Variants in LRIG2 observed in about 807,000 individuals in gnomAD.
LRIG2 encodes leucine-rich repeats and immunoglobulin-like domains protein 2.
LRIG2 carries 93 observed loss-of-function variants against 107.8 expected under a neutral mutation model. The observed-to-expected ratio is 0.86, with a 90% CI of 0.73 to 1.03. LRIG2 has a LOEUF of 1.03. LRIG2 is among the 50% of genes least tolerant of loss of function. The pLI is 0.00. For synonymous variants in LRIG2, 471 were observed against 470.6 expected (o/e 1.00, Z -0.01); for missense variants, 1,226 against 1,296.0 (o/e 0.95, Z 0.83).
chr1:113,083,224 T>TC (rs1557897735), intron 1 of LRIG2, among the ~76,000 whole-genome samples: 2 of 150,226 alleles, frequency 1.3e-5, no homozygotes. Flanking sequence ...CACACTTTTT[T>TC]TTTTTTTTTT....
intron 1 of LRIG2, among the ~76,000 whole-genome samples, chr1:113,074,685 G>A (rs910031517): frequency 6.6e-6 from 1 of 152,014 alleles, no homozygotes; most frequent in African/African-American, 2.4e-5. Flanking sequence ...GAGGCGGGCC[G>A]ATCACGAGGT....
chr1:113,080,831 TAA>T lies in LRIG2; in HGVS notation c.239+7189_239+7190del, dbSNP rs765689088. Among the ~76,000 whole-genome samples the T allele has an allele frequency of 9.5e-4, 137 of 144,236 alleles. 1 individual carries two copies. Among genetic ancestry groups the T allele is most frequent in the Non-Finnish European group, 1.8e-3 (117 of 65,890 alleles). 94.6% of individuals were successfully genotyped at this position (144,236 alleles called of 152,430 possible). The stretch of plus-strand genomic sequence containing the variant: ...AGAAAAATTCTAAATATGGGAACAC[TAA>T]AAGTTTTTTTTTTTTTTTTTTTTTT... On this transcript the variant is annotated intron_variant, in intron 1 of 17. Transcript: ENST00000361127.
chr1:113,114,391 T>G lies in LRIG2; in HGVS notation c.2081-36T>G, dbSNP rs769827983. 22 of 1,449,816 alleles carry G rather than the reference T, an allele frequency of 1.5e-5. No individual in the cohort carries two copies. The South Asian group carries it at 2.5e-4, about 17-fold the overall frequency. The allele number at this position is 1,449,816 out of a possible 1,614,324, so 89.8% of individuals were successfully genotyped here. ...AAATTAGGGAATAAAATTGCCTAAC[T>G]TTTCATTTTTTTTTTTTTTAATGTT... On this transcript the variant is annotated intron_variant, in intron 14 of 17. Transcript: ENST00000361127.
intron 16 of LRIG2, 52 bp from the exon 17 acceptor site, chr1:113,119,180 CA>C: frequency 6.5e-7 from 1 of 1,544,382 alleles, no homozygotes; most frequent in Non-Finnish European, 8.8e-7. Context: ...TGACGATTGG[CA>C]AAAAATAATT....
At chr1:113,081,857 GTAT>G (rs941781945) in intron 1 of LRIG2, among the ~76,000 whole-genome samples, 4 of 152,192 alleles carry the variant, frequency 2.6e-5, no homozygotes, top group Non-Finnish European at 5.9e-5. Flanking sequence ...TACTTCAAAA[GTAT>G]TATGGATGTC....
chr1:113,087,993 T>C (rs1023278448), intron 1 of LRIG2, among the ~76,000 whole-genome samples: 1 of 152,242 alleles, frequency 6.6e-6, no homozygotes, highest in African/African-American at 2.4e-5. Flanking sequence ...TAAGTGTTTA[T>C]TGTATGCATG....
chr1:113,100,744 A>G (rs1654272661), intron 11 of LRIG2: 2 of 318,660 alleles, frequency 6.3e-6, no homozygotes, highest in Non-Finnish European at 1.2e-5. Context: ...AGACCTCAGC[A>G]CTGCTCCTTA....
At chr1:113,092,602 A>C (rs1653877848) in intron 2 of LRIG2, among the ~76,000 whole-genome samples, 1 of 152,242 alleles carries the variant, frequency 6.6e-6, no homozygotes, top group South Asian at 2.1e-4. Flanking sequence ...AACCCAACTT[A>C]TTCAAAGAAC....
chr1:113,092,657 C>A (rs1653880484), intron 2 of LRIG2, among the ~76,000 whole-genome samples: 1 of 152,096 alleles, frequency 6.6e-6, no homozygotes, highest in African/African-American at 2.4e-5. Context: ...ACTTCATAAC[C>A]TTTCTGATAT....
At chr1:113,108,982 A>G (rs1206935723) in intron 12 of LRIG2, among the ~76,000 whole-genome samples, 1 of 152,168 alleles carries the variant, frequency 6.6e-6, no homozygotes, top group African/African-American at 2.4e-5. Context: ...AGTATCTCTG[A>G]TCATTTGAGT....
At chr1:113,115,489 G>A (rs778460442) in intron 15 of LRIG2, among the ~76,000 whole-genome samples, 2 of 151,966 alleles carry the variant, frequency 1.3e-5, no homozygotes, top group Admixed American at 1.3e-4. Flanking sequence ...GGGATTACAG[G>A]CATGAGCCAC....
At chr1:113,081,455 G>T (rs1653279310) in intron 1 of LRIG2, among the ~76,000 whole-genome samples, 1 of 151,470 alleles carries the variant, frequency 6.6e-6, no homozygotes, top group Non-Finnish European at 1.5e-5. Context: ...CGCCCAAGTA[G>T]CTGGGACTAC....
intron 14 of LRIG2, among the ~76,000 whole-genome samples, chr1:113,113,536 ATT>A (rs1185022464): frequency 0.019 from 901 of 48,678 alleles, 12 homozygotes; most frequent in African/African-American, 0.048. Flanking sequence ...TCATTTATTT[ATT>A]TATTTATTTA....
At chr1:113,120,810 T>TA (rs992704521) in intron 17 of LRIG2, among the ~76,000 whole-genome samples, 59 of 148,806 alleles carry the variant, frequency 4.0e-4, no homozygotes, top group African/African-American at 1.4e-3. Flanking sequence ...GTGCCCGGCC[T>TA]ACTGAGAAGT....
At chr1:113,097,346 G>A (rs1654110070) in intron 8 of LRIG2, among the ~76,000 whole-genome samples, 1 of 152,078 alleles carries the variant, frequency 6.6e-6, no homozygotes, top group Non-Finnish European at 1.5e-5. Context: ...TGGTCATTAG[G>A]TTTCGAGTTG....
intron 1 of LRIG2, among the ~76,000 whole-genome samples, chr1:113,075,206 C>CT (rs1652917869): frequency 7.2e-6 from 1 of 139,522 alleles, no homozygotes; most frequent in Admixed American, 7.2e-5. Context: ...GAGTGAAACT[C>CT]TGTCTCAAAA....
chr1:113,086,503 A>G (rs1653561863), intron 1 of LRIG2, among the ~76,000 whole-genome samples: 1 of 152,182 alleles, frequency 6.6e-6, no homozygotes, highest in East Asian at 1.9e-4. Context: ...GGTTCAGCCT[A>G]TTATTGCTGC....
intron 8 of LRIG2, 33 bp from the exon 9 acceptor site, chr1:113,098,672 A>C: frequency 7.6e-7 from 1 of 1,317,498 alleles, no homozygotes; most frequent in Non-Finnish European, 1.1e-6. Flanking sequence ...TGTATTGACT[A>C]ATAGCACCTG....
rs76664392 is a variant in LRIG2, at chr1:113,096,818, T to C, written c.1091+453T>C. Among the ~76,000 whole-genome samples, 1,043 of 152,318 alleles carry C rather than the reference T, an allele frequency of 6.8e-3. 9 individuals carry two copies. Among genetic ancestry groups the C allele is most frequent in the African/African-American group, 0.024 (988 of 41,572 alleles). On this transcript the variant is annotated intron_variant, in intron 8 of 17. Coordinates refer to ENST00000361127, the MANE Select transcript of LRIG2 (RefSeq NM_014813.3). ...TTTGGACAGAAGAAACTAATACTTA[T>C]TATCTGATATGTGCCAGGTACTTTC...
Sources: allele counts gnomAD v4.1 joint callset (sites outside exome capture counted in the v4.1 genomes callset), GRCh38; gene constraint gnomAD v4.1.1; transcripts MANE v1.5; gene names NCBI Gene and HGNC (gene_info 2026-07-23, HGNC 2026-07-21).